The following GRIA3 variants were observed in gnomAD, a reference collection of about 807,000 sequenced individuals.
GRIA3 encodes glutamate receptor 3.
In GRIA3, 3 loss-of-function variants were observed where a neutral mutation model predicts 63.0. That is an observed-to-expected ratio of 0.05 (90% CI 0.02 to 0.12). GRIA3 has a LOEUF of 0.12. Ranked by LOEUF, GRIA3 falls within the 10% of genes least tolerant of loss-of-function variation. GRIA3 has a pLI of 1.00. For synonymous variants in GRIA3, 274 were observed against 257.9 expected, an observed-to-expected ratio of 1.06 and a Z score of -0.60; for missense variants, 347 against 700.9, an observed-to-expected ratio of 0.50 and a Z score of 5.70.
chrX:123,389,961 C>G (rs150199580), intron 5 of GRIA3, among the ~76,000 whole-genome samples: 4,581 of 111,768 alleles, frequency 0.041, 225 homozygotes, highest in African/African-American at 0.14. Flanking sequence ...CTGCCTTGGC[C>G]TCCCAAAGTG....
chrX:123,394,381 A>C (rs2045402255), intron 5 of GRIA3, among the ~76,000 whole-genome samples: 2 of 110,985 alleles, frequency 1.8e-5, no homozygotes, highest in Admixed American at 9.5e-5. Flanking sequence ...CCTGGGTAAC[A>C]GAGCGAGATT....
At chrX:123,246,783 A>G (rs2044361637) in intron 2 of GRIA3, among the ~76,000 whole-genome samples, 1 of 109,294 alleles carries the variant, frequency 9.1e-6, no homozygotes, top group Non-Finnish European at 1.9e-5. Context: ...TGTGATAGAC[A>G]TCATCATCAT....
At chrX:123,475,093 C>A (rs1047350072) in intron 13 of GRIA3, among the ~76,000 whole-genome samples, 1 of 112,179 alleles carries the variant, frequency 8.9e-6, no homozygotes, top group Non-Finnish European at 1.9e-5. Flanking sequence ...ATCACTGAGA[C>A]ACAATTCAGC....
intron 4 of GRIA3, among the ~76,000 whole-genome samples, chrX:123,332,245 T>C (rs751343175): frequency 9.0e-6 from 1 of 111,203 alleles, no homozygotes; most frequent in Admixed American, 9.6e-5. Context: ...GAGGATTAAC[T>C]AGATTTTTCA....
In GRIA3 at chrX:123,205,700, G is replaced by A. The variant is rs183883165; in HGVS notation, c.268+19710G>A. Among the ~76,000 whole-genome samples, 13 of 111,833 alleles carry A rather than the reference G, an allele frequency of 1.2e-4. No homozygotes were observed. In the East Asian group the frequency reaches 3.4e-3, roughly 29 times the overall value. ...CCGCATGGACAACGAACTCAGTACCGGAGCTGGAGTTGCCAGTAAAGACCC... is the reference window on the plus strand; with the variant it reads ...CCGCATGGACAACGAACTCAGTACCAGAGCTGGAGTTGCCAGTAAAGACCC... On this transcript the variant is annotated intron_variant, in intron 2 of 15. Coordinates refer to ENST00000620443, the MANE Select transcript of GRIA3 (RefSeq NM_007325.5).
At chrX:123,293,913 T>C (rs6608069) in intron 3 of GRIA3, among the ~76,000 whole-genome samples, 7,418 of 109,979 alleles carry the variant, frequency 0.067, 341 homozygotes, top group East Asian at 0.34. Context: ...ATGATACTTA[T>C]AAAGCAGAGA....
At chrX:123,327,166 A>C (rs1378935727) in intron 4 of GRIA3, among the ~76,000 whole-genome samples, 2 of 111,564 alleles carry the variant, frequency 1.8e-5, no homozygotes, top group South Asian at 3.8e-4. Flanking sequence ...ACCATTTTTA[A>C]ATAAGAAGTG....
Position 123,326,134 on chromosome X carries a change from T to C in GRIA3, c.617T>C (p.Ile206Thr), listed in dbSNP as rs1397442730. Residue 206 changes from isoleucine (I) to threonine (T), a missense_variant, in exon 4 of 16, where the codon ATT becomes ACT. Around this residue, in one of 8 missense-constraint regions of GRIA3, gnomAD observed 113 missense variants for 130.6 expected, o/e 0.87. Transcript: ENST00000620443. Reference sequence around the variant, plus strand: ...GACGTCCAAGAATTCAGGCGCATCATTGAAGAAATGGACAGGAGGCAGGAA... The same window carrying C: ...GACGTCCAAGAATTCAGGCGCATCACTGAAGAAATGGACAGGAGGCAGGAA... Reference protein sequence around the residue: ...IKDVQEFRRIIEEMDRRQEKR... With the variant: ...IKDVQEFRRITEEMDRRQEKR... 1 of 1,208,565 alleles carries C rather than the reference T, an allele frequency of 8.3e-7. No individual in the cohort carries two copies. The highest frequency in any genetic ancestry group is 1.8e-5 in the South Asian group (1 of 56,895).
intron 15 of GRIA3, among the ~76,000 whole-genome samples, chrX:123,486,339 G>A (rs2045941796): frequency 8.9e-6 from 1 of 112,060 alleles, no homozygotes; most frequent in Non-Finnish European, 1.9e-5. Flanking sequence ...TTACTCATCT[G>A]AGTTGATCCA....
chrX:123,277,197 TGA>T (rs1214584888), intron 3 of GRIA3, among the ~76,000 whole-genome samples: 1 of 111,012 alleles, frequency 9.0e-6, no homozygotes, highest in Non-Finnish European at 1.9e-5. Flanking sequence ...ACATGCAATG[TGA>T]AATACGCACA....
intron 10 of GRIA3, among the ~76,000 whole-genome samples, chrX:123,409,535 A>G (rs1341689397): frequency 2.7e-5 from 3 of 111,709 alleles, no homozygotes; most frequent in Non-Finnish European, 3.8e-5. Flanking sequence ...CATGGACTTG[A>G]AACTGTCCAC....
rs910688574 is a variant in GRIA3, at chrX:123,208,951, C to T, written c.268+22961C>T. 2.7e-5 allele frequency among the ~76,000 whole-genome samples: 3 copies of T among 112,218 alleles called. No individual in the cohort carries two copies. The South Asian group carries it at 1.1e-3, about 42-fold the overall frequency. Reference sequence around the variant, plus strand: ...ATTCCCTTTGAAGAGGTGGCACTGTCTAAATTCATAATGCAATGCATGCAA... The same window carrying T: ...ATTCCCTTTGAAGAGGTGGCACTGTTTAAATTCATAATGCAATGCATGCAA... On this transcript the variant is annotated intron_variant, in intron 2 of 15. Transcript: ENST00000620443.
intron 12 of GRIA3, among the ~76,000 whole-genome samples, chrX:123,449,461 C>T (rs775251935): frequency 4.1e-4 from 46 of 112,226 alleles, no homozygotes; most frequent in Non-Finnish European, 7.3e-4. Context: ...TCAGAAGCTT[C>T]TGTAACTTGA....
intron 5 of GRIA3, among the ~76,000 whole-genome samples, chrX:123,386,273 C>A (rs1293054233): frequency 9.0e-6 from 1 of 111,559 alleles, no homozygotes; most frequent in African/African-American, 3.3e-5. Context: ...GTTCTTTGCC[C>A]ACTTTTTAAC....
chrX:123,208,123 C>A (rs1927942080), intron 2 of GRIA3, among the ~76,000 whole-genome samples: 1 of 112,722 alleles, frequency 8.9e-6, no homozygotes, highest in South Asian at 3.7e-4. Flanking sequence ...AAAGAAAAAG[C>A]CTCTAGTCGG....
intron 12 of GRIA3, among the ~76,000 whole-genome samples, chrX:123,458,203 G>T (rs1299735332): frequency 1.8e-5 from 2 of 109,328 alleles, no homozygotes; most frequent in Non-Finnish European, 3.8e-5. Context: ...AGTTTACTGT[G>T]TGCCAGGCAT....
At chrX:123,313,794 T>G (rs1013689067) in intron 3 of GRIA3, among the ~76,000 whole-genome samples, 20 of 111,978 alleles carry the variant, frequency 1.8e-4, no homozygotes, top group African/African-American at 6.5e-4. Context: ...CAATGTGAAC[T>G]ACTCTGCACA....
intron 14 of GRIA3, among the ~76,000 whole-genome samples, chrX:123,480,903 C>A (rs2045909588): frequency 9.0e-6 from 1 of 111,603 alleles, no homozygotes; most frequent in African/African-American, 3.3e-5. Context: ...CTTCCTGCCC[C>A]CCTTCGCTCC....
intron 11 of GRIA3, among the ~76,000 whole-genome samples, chrX:123,423,553 C>T (rs2045574163): frequency 8.9e-6 from 1 of 111,949 alleles, no homozygotes; most frequent in African/African-American, 3.2e-5. Flanking sequence ...CTGTAGTTTT[C>T]AGTCTTTGGG....
Sources: gnomAD v4.1 joint callset for allele counts (sites outside exome capture counted in the v4.1 genomes callset) on GRCh38, gnomAD v4.1.1 for gene constraint, gnomAD v4.1.1 regional missense constraint, MANE v1.5 for transcripts, NCBI Gene and HGNC (gene_info 2026-07-23, HGNC 2026-07-21) for gene names.